Variants in C17orf107 observed in about 807,000 individuals in gnomAD.
C17orf107 encodes the protein chromosome 17 open reading frame 107.
Under a neutral mutation model 8.9 loss-of-function variants are expected in C17orf107, and 9 were observed. The observed-to-expected ratio is 1.02, with a 90% CI of 0.61 to 1.77. The LOEUF (loss-of-function observed/expected upper bound fraction) is 1.77. Ranked by LOEUF, C17orf107 falls within the 40% of genes most tolerant of loss-of-function variation. The pLI, the probability that C17orf107 is intolerant of heterozygous loss-of-function variation, is 0.00. For missense variants in C17orf107, 281 were observed against 249.0 expected (o/e 1.13, Z -0.86); for synonymous variants, 139 against 120.3 (o/e 1.16, Z -1.02).
chr17:4,905,516 G>A (rs190351623), downstream of C17orf107, among the ~76,000 whole-genome samples: 3 of 152,214 alleles, frequency 2.0e-5, no homozygotes, highest in East Asian at 3.9e-4. Flanking sequence ...AGTGAGCTAC[G>A]ATCACACTAC....
At chr17:4,905,834 C>T (rs992518252), downstream of C17orf107, among the ~76,000 whole-genome samples, 6 of 152,138 alleles carry the variant, frequency 3.9e-5, no homozygotes, top group Admixed American at 1.3e-4. Flanking sequence ...GCACTCCAGC[C>T]CGGGTGACAG....
At chr17:4,903,160 G>C, downstream of C17orf107, 36 of 1,218,402 alleles carry the variant, frequency 3.0e-5, no homozygotes, top group South Asian at 4.2e-4. Flanking sequence ...GTTAGTTCCG[G>C]GCTGTTAGGG....
Position 4,901,111 on chromosome 17 carries a change from C to G in C17orf107, c.*578C>G, listed in dbSNP as rs1490231220. ...TGATGAGCGAGTAGATGACGTCAGTCTCCCCTGGGCCGTCGGTGGCGCCAC... is the reference window on the plus strand; with the variant it reads ...TGATGAGCGAGTAGATGACGTCAGTGTCCCCTGGGCCGTCGGTGGCGCCAC... On this transcript the variant is annotated 3_prime_UTR_variant, in exon 3 of 3. Transcript: ENST00000381365. 1 of 1,613,434 alleles carries G rather than the reference C, an allele frequency of 6.2e-7. No homozygotes were observed. The highest frequency in any genetic ancestry group is 8.5e-7 in the Non-Finnish European group (1 of 1,179,966).
At chr17:4,906,111 C>T (rs1197224846), downstream of C17orf107, among the ~76,000 whole-genome samples, 1 of 152,182 alleles carries the variant, frequency 6.6e-6, no homozygotes, top group Non-Finnish European at 1.5e-5. Flanking sequence ...GGTCTTAGCC[C>T]CAGACCAACT....
rs1274833234 is a variant in C17orf107, at chr17:4,902,319, T to A, written c.*1786T>A. The A allele has an allele frequency of 6.2e-7, 1 of 1,614,162 alleles. No individual in the cohort carries two copies. On this transcript the variant is annotated 3_prime_UTR_variant, in exon 3 of 3. Coordinates refer to ENST00000381365, the MANE Select transcript of C17orf107 (RefSeq NM_001145536.2). The surrounding 1 kb of genome is among the most constrained non-coding windows in gnomAD (Gnocchi z 4.0). Reference sequence around the variant, plus strand: ...CTTGCTGTAGTTGAGTCGGTAATCCTGCCAATCCTAAGGGGTGGGGGATGG... The same window carrying A: ...CTTGCTGTAGTTGAGTCGGTAATCCAGCCAATCCTAAGGGGTGGGGGATGG...
Position 4,900,390 on chromosome 17 carries a change from G to C in C17orf107, c.430G>C (p.Ala144Pro). 1 of 1,550,170 alleles carries C rather than the reference G, an allele frequency of 6.5e-7. No homozygotes were observed. Among genetic ancestry groups the C allele is most frequent in the Non-Finnish European group, 8.7e-7 (1 of 1,146,746 alleles). ...RQAGAAVGASARLLVQGAWLC... is the reference protein window; with the variant it reads ...RQAGAAVGASPRLLVQGAWLC... ...AGCTGGGGCTGCGGTGGGCGCCAGC[G>C]CCCGGCTCCTAGTCCAGGGAGCATG... is the stretch of plus-strand genomic sequence containing the variant. Residue 144 changes from alanine (A) to proline (P), a missense_variant, in exon 3 of 3, where the codon GCC (alanine) becomes CCC (proline). Ala to Pro is a conservative substitution (Grantham distance 27, BLOSUM62 -1). Transcript: ENST00000381365.
rs1278514080 is a variant in C17orf107 at position 4,902,266 on chromosome 17, G to A, written c.*1733G>A. 1.9e-6 allele frequency: 3 copies of A among 1,614,018 alleles called. No homozygotes were observed. Among genetic ancestry groups the A allele is most frequent in the African/African-American group, 2.7e-5 (2 of 74,918 alleles). ...AGCCACACGAGTTCTGAAGGGACTC[G>A]CAGGGTTTCTATACCCCCAAAGTCG... On this transcript the variant is annotated 3_prime_UTR_variant, in exon 3 of 3. Coordinates refer to ENST00000381365, the MANE Select transcript of C17orf107 (RefSeq NM_001145536.2). The surrounding 1 kb of genome is among the most constrained non-coding windows in gnomAD (Gnocchi z 4.0).
At chr17:4,904,177 GTTTC>G (rs1245032339), downstream of C17orf107, among the ~76,000 whole-genome samples, 5 of 151,602 alleles carry the variant, frequency 3.3e-5, no homozygotes, top group South Asian at 4.2e-4. Flanking sequence ...TTGTTTTTCT[GTTTC>G]TTTTTTTGTT....
chr17:4,902,209 G>T lies in C17orf107; in HGVS notation c.*1676G>T. ...TCCCTCCAGCCTGGCGTCTGGCCCG[G>T]TTCTCACTTGTTTTCCAGCACAATC... is the stretch of plus-strand genomic sequence containing the variant. On this transcript the variant is annotated 3_prime_UTR_variant, in exon 3 of 3. Coordinates refer to ENST00000381365, the MANE Select transcript of C17orf107 (RefSeq NM_001145536.2). The surrounding 1 kb of genome is among the most constrained non-coding windows in gnomAD (Gnocchi z 4.0). 6.2e-7 allele frequency: 1 copy of T among 1,613,956 alleles called. No individual in the cohort carries two copies. The highest frequency in any genetic ancestry group is 1.3e-5 in the African/African-American group (1 of 75,020).
chr17:4,901,384 A>C lies in C17orf107; in HGVS notation c.*851A>C. 1 of 963,580 alleles carries C rather than the reference A, an allele frequency of 1.0e-6. No homozygotes were observed. Among genetic ancestry groups the C allele is most frequent in the South Asian group, 1.3e-5 (1 of 74,682 alleles). The allele number at this position is 963,580 out of a possible 1,614,324, so 59.7% of individuals were successfully genotyped here. On this transcript the variant is annotated 3_prime_UTR_variant, in exon 3 of 3. Transcript: ENST00000381365. ...GGCAGGACTAGAGTAACAATCGAGA[A>C]TGATTTCAGGACAGGGGTAAGCTAA...
chr17:4,902,197 G>T lies in C17orf107; in HGVS notation c.*1664G>T. 1 of 1,613,732 alleles carries T rather than the reference G, an allele frequency of 6.2e-7. No individual in the cohort carries two copies. Among genetic ancestry groups the T allele is most frequent in the Non-Finnish European group, 8.5e-7 (1 of 1,179,814 alleles). On this transcript the variant is annotated 3_prime_UTR_variant, in exon 3 of 3. Transcript: ENST00000381365. This position sits in a 1 kb window ranked among gnomAD's most constrained non-coding sequence, Gnocchi z 4.0. ...CCCAGGCCGGCTTCCCTCCAGCCTGGCGTCTGGCCCGGTTCTCACTTGTTT... is the reference window on the plus strand; with the variant it reads ...CCCAGGCCGGCTTCCCTCCAGCCTGTCGTCTGGCCCGGTTCTCACTTGTTT...
rs1378463179 is a variant in C17orf107 at position 4,901,619 on chromosome 17, C to T, written c.*1086C>T. On this transcript the variant is annotated 3_prime_UTR_variant, in exon 3 of 3. Coordinates refer to ENST00000381365, the MANE Select transcript of C17orf107 (RefSeq NM_001145536.2). Reference sequence around the variant, plus strand: ...ACTCCACCTCTTCGGCATTGTACGTCTGAGAGCTGCGGAGCCAGGGCCGGG... The same window carrying T: ...ACTCCACCTCTTCGGCATTGTACGTTTGAGAGCTGCGGAGCCAGGGCCGGG... 1 of 1,614,032 alleles carries T rather than the reference C, an allele frequency of 6.2e-7. No homozygotes were observed. The highest frequency in any genetic ancestry group is 1.3e-5 in the African/African-American group (1 of 75,050).
In C17orf107 at chr17:4,902,933, C is replaced by T; in HGVS notation, c.*2400C>T. The T allele has an allele frequency of 6.3e-7, 1 of 1,594,098 alleles. No individual in the cohort carries two copies. Among genetic ancestry groups the T allele is most frequent in the East Asian group, 2.2e-5 (1 of 44,762 alleles). On this transcript the variant is annotated 3_prime_UTR_variant, in exon 3 of 3. Transcript: ENST00000381365. This position sits in a 1 kb window ranked among gnomAD's most constrained non-coding sequence, Gnocchi z 4.0. ...GAACGAAATACTGTGTCTAAGTCTC[C>T]ATCTTGGTCTCTGTCTTTGTCTTCC...
At chr17:4,904,365 A>C (rs566749240), downstream of C17orf107, among the ~76,000 whole-genome samples, 1 of 152,042 alleles carries the variant, frequency 6.6e-6, no homozygotes, top group Non-Finnish European at 1.5e-5. Context: ...GCCCGGCCTC[A>C]GTGTTTTTTA....
At position 4,900,922 on chromosome 17, in the gene C17orf107, A is replaced by T; in HGVS notation, c.*389A>T. 6.2e-7 allele frequency: 1 copy of T among 1,614,126 alleles called. No individual in the cohort carries two copies. The highest frequency in any genetic ancestry group is 8.5e-7 in the Non-Finnish European group (1 of 1,179,972). The stretch of plus-strand genomic sequence containing the variant: ...CTGGCCGCCGGCTGGAGGGAGAGCC[A>T]GTGAGAGCGGGCCCCGCCTCCCGGG... On this transcript the variant is annotated 3_prime_UTR_variant, in exon 3 of 3. Transcript: ENST00000381365.
downstream of C17orf107, chr17:4,903,018 C>T (rs764552360): frequency 3.3e-5 from 54 of 1,613,928 alleles, no homozygotes; most frequent in Non-Finnish European, 4.4e-5. Flanking sequence ...CTGTCCGTAC[C>T]GAGAAGCCCC....
downstream of C17orf107, chr17:4,902,971 G>A: frequency 6.2e-7 from 1 of 1,611,272 alleles, no homozygotes; most frequent in South Asian, 1.1e-5. This position sits in a 1 kb window ranked among gnomAD's most constrained non-coding sequence, Gnocchi z 4.0. Flanking sequence ...GTCCCTTCAT[G>A]TCAGTATCTG....
At position 4,901,898 on chromosome 17, in the gene C17orf107, A is replaced by G. The variant is rs529462077; in HGVS notation, c.*1365A>G. The G allele has an allele frequency of 6.1e-6, 9 of 1,469,574 alleles. No homozygotes were observed. In the African/African-American group the frequency reaches 8.7e-5, roughly 14 times the overall value. 91.0% of individuals were successfully genotyped at this position (1,469,574 alleles called of 1,614,324 possible). A position where few individuals can be genotyped will look rare whatever the true frequency, so the allele number is the denominator to read the frequency against. The stretch of plus-strand genomic sequence containing the variant: ...CGCCCCATAAGGCCCCCCCCCAACA[A>G]TAATCGTCCGGGCCTCGGAGTAGCT... On this transcript the variant is annotated 3_prime_UTR_variant, in exon 3 of 3. Coordinates refer to ENST00000381365, the MANE Select transcript of C17orf107 (RefSeq NM_001145536.2).
At position 4,900,029 on chromosome 17, in the gene C17orf107, C is replaced by T. The variant is rs1969921727; in HGVS notation, c.160C>T (p.Leu54=). The change falls in exon 2 of 3, where the codon CTG becomes TTG. Residue 54 remains leucine (L), a synonymous_variant. Transcript: ENST00000381365. ...GCAGAGGTTCAGAGAGCTGAAGTCC[C>T]TGGAGCCACCCGAACCGAAGATGCA... The part of the protein sequence containing the change: ...LEQRFRELKS[L]EPPEPKMQGM... 1.9e-6 allele frequency: 3 copies of T among 1,551,468 alleles called. No individual in the cohort carries two copies. Among genetic ancestry groups the T allele is most frequent in the Non-Finnish European group, 2.6e-6 (3 of 1,147,002 alleles).
Sources: gnomAD v4.1 joint callset for allele counts (sites outside exome capture counted in the v4.1 genomes callset) on GRCh38, gnomAD v4.1.1 for gene constraint, Gnocchi (gnomAD v3.1) non-coding constraint, MANE v1.5 for transcripts, NCBI Gene and HGNC (gene_info 2026-07-23, HGNC 2026-07-21) for gene names.